MAP3K1: variants seen among roughly 807,000 people sequenced by gnomAD.
The protein encoded by MAP3K1 is MAP/ERK kinase kinase 1.
Under a neutral mutation model 144.2 loss-of-function variants are expected in MAP3K1, and 36 were observed. The observed-to-expected ratio is 0.25, with a 90% CI of 0.19 to 0.33. MAP3K1 has a LOEUF of 0.33. Ranked by LOEUF, MAP3K1 falls within the 10% of genes least tolerant of loss-of-function variation. The pLI is 1.00. For synonymous variants in MAP3K1, 718 were observed against 688.7 expected (o/e 1.04, Z -0.67); for missense variants, 1,650 against 1,881.9 (o/e 0.88, Z 2.28).
In MAP3K1 at chr5:56,861,590, A is replaced by AGGGGG. The variant is rs149128894; in HGVS notation, c.834+1679_834+1680insGGGGG. The stretch of plus-strand genomic sequence containing the variant: ...TCCTAAAAAAAAAAAAAAAAAAAAA[A>AGGGGG]GGGGCTATTAAAATACTCCTTCCTT... On this transcript the variant is annotated intron_variant, in intron 3 of 19. Transcript: ENST00000399503. Among the ~76,000 whole-genome samples the AGGGGG allele has an allele frequency of 2.6e-3, 351 of 134,582 alleles. 5 individuals are homozygous for AGGGGG. Among genetic ancestry groups the AGGGGG allele is most frequent in the South Asian group, 9.9e-3 (44 of 4,454 alleles). The allele number at this position is 134,582 out of a possible 152,430, so 88.3% of individuals were successfully genotyped here.
chr5:56,845,859 G>A (rs1023244468), intron 1 of MAP3K1, among the ~76,000 whole-genome samples: 2 of 152,196 alleles, frequency 1.3e-5, no homozygotes, highest in African/African-American at 4.8e-5. Flanking sequence ...GAACAAGTGG[G>A]AAATGGGACC....
rs746481448 is a variant in MAP3K1 at position 56,882,136 on chromosome 5, T to C, written c.2936T>C (p.Met979Thr). Residue 979 changes from methionine to threonine, a missense_variant, in exon 14 of 20, where the codon ATG becomes ACG. By Grantham distance (81) the Met-to-Thr change is moderately conservative (BLOSUM62 -1). Coordinates refer to ENST00000399503, the MANE Select transcript of MAP3K1 (RefSeq NM_005921.2). ...CCTTTATCTCATCATTCCCAATTAA[T>C]GTTTCCAGCCTTGTCAACCCCTTCT... ...SSPLSHHSQL[M>T]FPALSTPSSS... The C allele has an allele frequency of 5.0e-6, 8 of 1,614,014 alleles. No homozygotes were observed. The East Asian group carries it at 1.1e-4, about 22-fold the overall frequency.
Position 56,881,599 on chromosome 5 carries a change from T to C in MAP3K1, c.2399T>C (p.Phe800Ser). 6.2e-7 allele frequency: 1 copy of C among 1,613,888 alleles called. No individual in the cohort carries two copies. The highest frequency in any genetic ancestry group is 8.5e-7 in the Non-Finnish European group (1 of 1,179,850). ...RYKKLLSLLT[F>S]ALQSIDNSHS... ...AAGAAGCTGCTGTCCCTCTTAACCT[T>C]TGCTTTGCAGTCCATTGATAATTCC... The change falls in exon 14 of 20, where the codon TTT (phenylalanine) becomes TCT (serine). Residue 800 changes from phenylalanine to serine, a missense_variant. Transcript: ENST00000399503.
chr5:56,879,183 CT>C (rs1488430000), intron 11 of MAP3K1, 82 bp downstream of exon 11: 16 of 1,458,948 alleles, frequency 1.1e-5, no homozygotes, highest in Non-Finnish European at 1.5e-5. Context: ...GTGTGAATAT[CT>C]GATACATTTT....
chr5:56,870,201 A>G (rs16886445), intron 6 of MAP3K1, among the ~76,000 whole-genome samples: 9,657 of 152,278 alleles, frequency 0.063, 386 homozygotes, highest in South Asian at 0.16. Flanking sequence ...TAGAAGTGCA[A>G]TATTGGGCCT....
intron 1 of MAP3K1, among the ~76,000 whole-genome samples, chr5:56,827,922 G>T (rs1434316836): frequency 6.6e-6 from 1 of 151,856 alleles, no homozygotes; most frequent in African/African-American, 2.4e-5. Flanking sequence ...TTGGACCCCA[G>T]GGAAGTCACT....
chr5:56,859,159 T>C (rs1172442154), intron 2 of MAP3K1, among the ~76,000 whole-genome samples: 1 of 150,744 alleles, frequency 6.6e-6, no homozygotes, highest in African/African-American at 2.4e-5. Flanking sequence ...TTTTCTGAGA[T>C]ACACATCTAA....
At chr5:56,834,917 TAA>T (rs1034944703) in intron 1 of MAP3K1, among the ~76,000 whole-genome samples, 22 of 152,176 alleles carry the variant, frequency 1.4e-4, no homozygotes, top group Admixed American at 5.9e-4. Flanking sequence ...ATTATTATAA[TAA>T]GTCTTAACAA....
At chr5:56,862,182 C>T (rs887537536) in intron 3 of MAP3K1, 23 of 152,222 alleles carry the variant, frequency 1.5e-4, no homozygotes, top group African/African-American at 5.6e-4. Flanking sequence ...ATGCCTATTG[C>T]TTCAGCTGGG....
intron 1 of MAP3K1, chr5:56,820,299 C>A: frequency 2.9e-6 from 1 of 341,986 alleles, no homozygotes; most frequent in Non-Finnish European, 4.1e-6. Flanking sequence ...GGATTCAATC[C>A]CAAGTCAGAC....
At chr5:56,888,408 A>G (rs1342524627) in intron 19 of MAP3K1, 51 bp downstream of exon 19, 1 of 1,591,554 alleles carries the variant, frequency 6.3e-7, no homozygotes, top group South Asian at 1.1e-5. Context: ...GTACAGCAGA[A>G]TTTGGCAGGA....
intron 12 of MAP3K1, 83 bp from the exon 13 acceptor site, chr5:56,881,000 G>C (rs1185347331): frequency 1.6e-6 from 2 of 1,229,154 alleles, no homozygotes; most frequent in Non-Finnish European, 2.3e-6. Flanking sequence ...ATTTTTGTTG[G>C]CCTTACACCA....
intron 1 of MAP3K1, chr5:56,820,833 A>G: frequency 5.1e-6 from 5 of 979,524 alleles, no homozygotes; most frequent in Non-Finnish European, 4.9e-6. Flanking sequence ...TGTAGTATGA[A>G]CATGTTTCAC....
intron 3 of MAP3K1, 70 bp downstream of exon 3, chr5:56,859,985 T>G: frequency 7.8e-7 from 1 of 1,287,026 alleles, no homozygotes; most frequent in Non-Finnish European, 1.1e-6. Flanking sequence ...AAGAAAAGAC[T>G]GGCCAGCCAT....
chr5:56,865,290 T>C, intron 4 of MAP3K1, 50 bp from the exon 5 acceptor site: 1 of 1,047,666 alleles, frequency 9.5e-7, no homozygotes, highest in Non-Finnish European at 1.5e-6. Context: ...TTAGAAGTTC[T>C]TGTGAACCAC....
chr5:56,885,604 T>C (rs116755558), intron 16 of MAP3K1, among the ~76,000 whole-genome samples: 1 of 152,206 alleles, frequency 6.6e-6, no homozygotes, highest in Admixed American at 6.5e-5. Context: ...TTGTTTACTT[T>C]AGTCATTAAT....
At chr5:56,823,300 T>C (rs1256406636) in intron 1 of MAP3K1, among the ~76,000 whole-genome samples, 3 of 152,138 alleles carry the variant, frequency 2.0e-5, no homozygotes, top group Non-Finnish European at 4.4e-5. Flanking sequence ...CTCACTGCCT[T>C]CTTCTATAGG....
intron 1 of MAP3K1, among the ~76,000 whole-genome samples, chr5:56,819,297 C>T (rs1561159329): frequency 6.6e-6 from 1 of 152,086 alleles, no homozygotes; most frequent in South Asian, 2.1e-4. Flanking sequence ...AGGAAGTAGC[C>T]CTGTTCATTG....
intron 19 of MAP3K1, 116 bp downstream of exon 19, chr5:56,888,473 C>CTGTATATTTATTCAGAGA (rs1196350227): frequency 1.1e-6 from 1 of 894,398 alleles, no homozygotes; most frequent in Non-Finnish European, 1.8e-6. Context: ...AATAAATAGT[C>CTGTATATTTATTCAGAGA]TGTATATTTA....
Sources: gnomAD v4.1 joint callset for allele counts (sites outside exome capture counted in the v4.1 genomes callset) on GRCh38, gnomAD v4.1.1 for gene constraint, MANE v1.5 for transcripts, NCBI Gene and HGNC (gene_info 2026-07-23, HGNC 2026-07-21) for gene names.